Variants in CACNA1C observed in about 807,000 individuals in gnomAD.
The protein encoded by CACNA1C is calcium voltage-gated channel subunit alpha1 C, also known as voltage-dependent L-type calcium channel subunit alpha-1C.
In CACNA1C, 30 loss-of-function variants were observed where a neutral mutation model predicts 229.0. That is an observed-to-expected ratio of 0.13 (90% CI 0.10 to 0.18). The LOEUF is 0.18. Among genes scored for constraint, CACNA1C ranks in the 10% least tolerant of loss-of-function variants. CACNA1C has a pLI of 1.00. For missense variants in CACNA1C, 1,658 were observed against 2,845.0 expected (o/e 0.58, Z 9.49); for synonymous variants, 1,114 against 1,132.5 (o/e 0.98, Z 0.33).
chr12:2,577,046 G>A (rs1292547253), intron 13 of CACNA1C, among the ~76,000 whole-genome samples: 1 of 152,208 alleles, frequency 6.6e-6, no homozygotes, highest in Non-Finnish European at 1.5e-5. Flanking sequence ...CCAGGCCCTG[G>A]GCAGCAGCCT....
intron 9 of CACNA1C, among the ~76,000 whole-genome samples, chr12:2,534,891 A>G (rs2099849514): frequency 6.6e-6 from 1 of 152,170 alleles, no homozygotes; most frequent in African/African-American, 2.4e-5. Flanking sequence ...TCTATAAGTG[A>G]CACAACATGA....
chr12:2,581,997 G>A (rs758529349), intron 14 of CACNA1C, among the ~76,000 whole-genome samples, 200 bp downstream of exon 14: 2 of 151,506 alleles, frequency 1.3e-5, no homozygotes, highest in African/African-American at 2.4e-5. Flanking sequence ...ACTAGTGGGT[G>A]GACCATTAGG....
At chr12:2,429,581 T>C (rs931846109) in intron 3 of CACNA1C, among the ~76,000 whole-genome samples, 31 of 152,282 alleles carry the variant, frequency 2.0e-4, no homozygotes, top group African/African-American at 7.5e-4. Context: ...CTCCCAGGGT[T>C]CAGGTTAAGA....
chr12:2,501,539 A>G (rs919971729), intron 7 of CACNA1C, among the ~76,000 whole-genome samples: 19 of 152,190 alleles, frequency 1.2e-4, no homozygotes, highest in African/African-American at 4.3e-4. Flanking sequence ...TCAAAGAATG[A>G]CCTCACGGTT....
intron 4 of CACNA1C, among the ~76,000 whole-genome samples, chr12:2,451,751 C>T (rs950665490): frequency 2.0e-5 from 3 of 152,230 alleles, no homozygotes; most frequent in African/African-American, 7.2e-5. Flanking sequence ...ATTCCAGTCA[C>T]ATCTCCCTAG....
At chr12:2,245,022 G>A (rs1196706518) in intron 3 of CACNA1C, among the ~76,000 whole-genome samples, 1 of 152,148 alleles carries the variant, frequency 6.6e-6, no homozygotes, top group Non-Finnish European at 1.5e-5. Context: ...TGAACTGATT[G>A]CCTGAACGTA....
In CACNA1C at chr12:2,577,270, T is replaced by C. The variant is rs542029572; in HGVS notation, c.1896-4320T>C. Reference sequence around the variant, plus strand: ...TGTCTTTCCCCTCAGGTGTTTTTCATGTAGACAGTAGGCTGGTGCCAATTC... The same window carrying C: ...TGTCTTTCCCCTCAGGTGTTTTTCACGTAGACAGTAGGCTGGTGCCAATTC... On this transcript the variant is annotated intron_variant, in intron 13 of 46. Transcript: ENST00000399655. 8.1e-4 allele frequency among the ~76,000 whole-genome samples: 124 copies of C among 152,370 alleles called. 1 individual carries two copies. Among genetic ancestry groups the C allele is most frequent in the African/African-American group, 2.9e-3 (121 of 41,582 alleles).
At chr12:2,010,207 A>G (rs182486431) in intron 1 of CACNA1C, among the ~76,000 whole-genome samples, 160 of 152,344 alleles carry the variant, frequency 1.1e-3, no homozygotes, top group Non-Finnish European at 2.8e-4. Flanking sequence ...TTATACGCTA[A>G]AGGATGCAAG....
intron 30 of CACNA1C, among the ~76,000 whole-genome samples, chr12:2,640,781 T>C (rs1194215333): frequency 2.0e-5 from 3 of 152,162 alleles, no homozygotes; most frequent in Non-Finnish European, 4.4e-5. Flanking sequence ...CACTCACTAC[T>C]CTCCACAACA....
intron 10 of CACNA1C, among the ~76,000 whole-genome samples, chr12:2,551,154 T>C (rs961240042): frequency 6.6e-6 from 1 of 152,116 alleles, no homozygotes; most frequent in African/African-American, 2.4e-5. Flanking sequence ...GTTCTAGGCC[T>C]TTCTGTTGTC....
intron 3 of CACNA1C, among the ~76,000 whole-genome samples, chr12:2,444,773 G>A (rs745873203): frequency 1.2e-4 from 18 of 152,044 alleles, no homozygotes; most frequent in Non-Finnish European, 1.9e-4. Context: ...CAACCCCTAC[G>A]TACAACCAGA....
chr12:2,345,761 G>A (rs2096994939), intron 3 of CACNA1C, among the ~76,000 whole-genome samples: 1 of 152,128 alleles, frequency 6.6e-6, no homozygotes, highest in Non-Finnish European at 1.5e-5. Context: ...ATGATGACAT[G>A]GAGGTGACTG....
In CACNA1C at chr12:2,549,926, C is replaced by G. The variant is rs1057524174; in HGVS notation, c.1391-17C>G. The G allele has an allele frequency of 1.3e-6, 2 of 1,575,780 alleles. No homozygotes were observed. Among genetic ancestry groups the G allele is most frequent in the East Asian group, 2.3e-5 (1 of 43,568 alleles). ...CCACCCTCAATGCCTGGCTCTGCTTCCCTTTGACTCTTGCAGTGAGCATGC... is the reference window on the plus strand; with the variant it reads ...CCACCCTCAATGCCTGGCTCTGCTTGCCTTTGACTCTTGCAGTGAGCATGC... On this transcript the variant is annotated splice_polypyrimidine_tract_variant and intron_variant, in intron 9 of 46. Transcript: ENST00000399655.
chr12:2,111,576 T>G (rs2081770511), intron 1 of CACNA1C, among the ~76,000 whole-genome samples: 1 of 150,794 alleles, frequency 6.6e-6, no homozygotes, highest in Non-Finnish European at 1.5e-5. Flanking sequence ...AGGGGAGGCG[T>G]GAGCTGTGGA....
intron 3 of CACNA1C, among the ~76,000 whole-genome samples, chr12:2,400,607 A>G (rs1369438940): frequency 6.6e-6 from 1 of 152,188 alleles, no homozygotes; most frequent in Non-Finnish European, 1.5e-5. Flanking sequence ...TTAGCATGGC[A>G]TCTTCTCTGA....
At chr12:2,465,790 G>A (rs559490009) in intron 5 of CACNA1C, among the ~76,000 whole-genome samples, 1 of 152,214 alleles carries the variant, frequency 6.6e-6, no homozygotes, top group East Asian at 1.9e-4. Context: ...GAACCCACCC[G>A]GGCTGGTGGC....
intron 9 of CACNA1C, among the ~76,000 whole-genome samples, chr12:2,530,445 T>C (rs1370432857): frequency 6.6e-6 from 1 of 152,210 alleles, no homozygotes; most frequent in African/African-American, 2.4e-5. Context: ...AAAAACTCTT[T>C]CCAGTTAAAC....
chr12:2,452,425 G>A (rs954852377), intron 4 of CACNA1C, among the ~76,000 whole-genome samples: 12 of 152,136 alleles, frequency 7.9e-5, no homozygotes, highest in African/African-American at 2.9e-4. Flanking sequence ...CTAGCAGGGT[G>A]GAGGCCCTGC....
intron 1 of CACNA1C, among the ~76,000 whole-genome samples, chr12:1,988,219 G>T (rs1241792175): frequency 6.6e-6 from 1 of 152,136 alleles, no homozygotes; most frequent in African/African-American, 2.4e-5. Flanking sequence ...GTCCATCATG[G>T]GTCATTGTTA....
Sources: allele counts gnomAD v4.1 joint callset (sites outside exome capture counted in the v4.1 genomes callset), GRCh38; gene constraint gnomAD v4.1.1; transcripts MANE v1.5; gene names NCBI Gene and HGNC (gene_info 2026-07-23, HGNC 2026-07-21).